Variants in KCNIP3 observed in about 807,000 individuals in gnomAD.
The protein encoded by KCNIP3 is calsenilin.
A neutral mutation model predicts 35.0 loss-of-function variants in KCNIP3; 28 were observed. That is an observed-to-expected ratio of 0.80 (90% CI 0.59 to 1.10). The LOEUF is 1.10. KCNIP3 is among the 50% of genes least tolerant of loss of function. The probability of loss-of-function intolerance (pLI) is 0.00; values close to 1 mark genes in which losing one functional copy is unlikely to be tolerated. For missense variants in KCNIP3, 295 were observed against 338.4 expected (o/e 0.87, Z 1.01); for synonymous variants, 134 against 133.8 (o/e 1.00, Z -0.01).
chr2:95,383,424 G>A, intron 8 of KCNIP3, 130 bp downstream of exon 8: 1 of 928,698 alleles, frequency 1.1e-6, no homozygotes, highest in South Asian at 1.5e-5. Context: ...GCTGTCCTTG[G>A]CCCCTTGCCA....
intron 2 of KCNIP3, among the ~76,000 whole-genome samples, chr2:95,352,844 T>C (rs1183962125): frequency 2.0e-5 from 3 of 152,152 alleles, no homozygotes; most frequent in African/African-American, 7.2e-5. Flanking sequence ...ACCAGACATG[T>C]CCAGGAGGGA....
chr2:95,344,465 G>A (rs1679296442), intron 2 of KCNIP3, among the ~76,000 whole-genome samples: 1 of 152,230 alleles, frequency 6.6e-6, no homozygotes, highest in Non-Finnish European at 1.5e-5. Flanking sequence ...TCTGCTCTCA[G>A]GCCTCGTATC....
At chr2:95,360,962 G>T (rs1679785083) in intron 2 of KCNIP3, among the ~76,000 whole-genome samples, 1 of 152,174 alleles carries the variant, frequency 6.6e-6, no homozygotes, top group African/African-American at 2.4e-5. Context: ...AGACTTTGAT[G>T]GGGAGGAGGT....
chr2:95,300,552 C>A (rs1273846786), intron 1 of KCNIP3, among the ~76,000 whole-genome samples: 4 of 152,246 alleles, frequency 2.6e-5, no homozygotes, highest in Non-Finnish European at 1.5e-5. Flanking sequence ...GTGCCCAGAC[C>A]TGGGGCAGGC....
At chr2:95,360,275 A>G (rs751952689) in intron 2 of KCNIP3, among the ~76,000 whole-genome samples, 7 of 151,972 alleles carry the variant, frequency 4.6e-5, no homozygotes, top group Admixed American at 1.3e-4. Context: ...CCTTTTCACT[A>G]TAAGGATGGG....
chr2:95,302,662 G>A (rs1043865920), intron 1 of KCNIP3, among the ~76,000 whole-genome samples: 1 of 152,202 alleles, frequency 6.6e-6, no homozygotes, highest in African/African-American at 2.4e-5. Flanking sequence ...CCATTTTGCA[G>A]ATGAGTAAAC....
At chr2:95,373,161 C>T (rs1309060137) in intron 2 of KCNIP3, among the ~76,000 whole-genome samples, 2 of 152,162 alleles carry the variant, frequency 1.3e-5, no homozygotes, top group Admixed American at 6.5e-5. Flanking sequence ...GACAGGGCGA[C>T]GGTGCAGCGG....
At chr2:95,332,678 G>A (rs544641088) in intron 2 of KCNIP3, among the ~76,000 whole-genome samples, 1 of 152,314 alleles carries the variant, frequency 6.6e-6, no homozygotes, top group African/African-American at 2.4e-5. Flanking sequence ...ACACATTTGG[G>A]GAGTACTAGT....
chr2:95,361,828 G>C (rs954661927), intron 2 of KCNIP3, among the ~76,000 whole-genome samples: 2 of 152,224 alleles, frequency 1.3e-5, no homozygotes, highest in Non-Finnish European at 1.5e-5. Flanking sequence ...CCGAATCCCT[G>C]CTGCGGTCAC....
At chr2:95,371,501 T>C (rs1310784345) in intron 2 of KCNIP3, among the ~76,000 whole-genome samples, 1 of 152,258 alleles carries the variant, frequency 6.6e-6, no homozygotes, top group Admixed American at 6.5e-5. Context: ...GAAAAGAATG[T>C]GTATCTACAA....
At chr2:95,372,187 T>C (rs909441516) in intron 2 of KCNIP3, among the ~76,000 whole-genome samples, 1 of 152,140 alleles carries the variant, frequency 6.6e-6, no homozygotes, top group African/African-American at 2.4e-5. Context: ...AAAGTCTGCC[T>C]CTTAATCAAA....
intron 7 of KCNIP3, 74 bp from the exon 8 acceptor site, chr2:95,383,158 C>T (rs2104310161): frequency 2.8e-6 from 2 of 723,942 alleles, no homozygotes; most frequent in South Asian, 1.4e-5. Context: ...CCCATGACTT[C>T]TGCGTCCTCA....
chr2:95,375,095 A>T, intron 4 of KCNIP3, 43 bp from the exon 5 acceptor site: 11 of 1,599,918 alleles, frequency 6.9e-6, no homozygotes, highest in Non-Finnish European at 9.4e-6. Context: ...ATGAGCCGCC[A>T]GGCAGCCCCG....
chr2:95,348,356 G>A (rs1679429305), intron 2 of KCNIP3, among the ~76,000 whole-genome samples: 1 of 152,232 alleles, frequency 6.6e-6, no homozygotes, highest in Non-Finnish European at 1.5e-5. Context: ...AGGGGTGAGC[G>A]TCCTGTGCTG....
intron 2 of KCNIP3, chr2:95,311,440 C>G (rs1232791156): frequency 6.6e-6 from 1 of 152,260 alleles, no homozygotes; most frequent in Admixed American, 6.5e-5. Flanking sequence ...CTTGTTTGCT[C>G]TCTTGGACCC....
chr2:95,312,001 C>G (rs1678332417), intron 2 of KCNIP3: 1 of 152,268 alleles, frequency 6.6e-6, no homozygotes, highest in African/African-American at 2.4e-5. Context: ...TGCGCCTGCT[C>G]TCCCTTAGGG....
intron 2 of KCNIP3, among the ~76,000 whole-genome samples, chr2:95,317,567 G>C (rs190139071): frequency 1.3e-5 from 2 of 152,232 alleles, no homozygotes; most frequent in African/African-American, 4.8e-5. Flanking sequence ...GGGAGAGCCA[G>C]AAGCAGGGAC....
intron 2 of KCNIP3, among the ~76,000 whole-genome samples, chr2:95,314,819 TGAGCA>T (rs1678410459): frequency 6.6e-6 from 1 of 152,204 alleles, no homozygotes; most frequent in African/African-American, 2.4e-5. Context: ...AGAGGTGCGG[TGAGCA>T]GGCACTGGAT....
intron 8 of KCNIP3, among the ~76,000 whole-genome samples, chr2:95,383,514 C>T (rs971609604): frequency 7.0e-6 from 1 of 142,094 alleles, no homozygotes; most frequent in Non-Finnish European, 1.5e-5. Context: ...CCCACAGCAT[C>T]CCCCCACTAC....
Sources: allele counts gnomAD v4.1 joint callset (sites outside exome capture counted in the v4.1 genomes callset), GRCh38; gene constraint gnomAD v4.1.1; transcripts MANE v1.5; gene names NCBI Gene and HGNC (gene_info 2026-07-23, HGNC 2026-07-21).